The following DNAH2 variants were observed in gnomAD, a reference collection of about 807,000 sequenced individuals.
DNAH2 encodes dynein axonemal heavy chain 2, also known as axonemal beta dynein heavy chain 2.
Under a neutral mutation model 523.5 loss-of-function variants are expected in DNAH2, and 323 were observed. The ratio of observed to expected loss-of-function variants is 0.62; its 90% CI spans 0.56 to 0.68. The LOEUF is 0.68. Ranked by LOEUF, DNAH2 falls within the 30% of genes least tolerant of loss-of-function variation. DNAH2 has a pLI of 0.00. For missense variants in DNAH2, 4,907 were observed against 5,701.5 expected, an observed-to-expected ratio of 0.86 and a Z score of 4.49; for synonymous variants, 2,093 against 2,177.4, an observed-to-expected ratio of 0.96 and a Z score of 1.08.
At chr17:7,723,013 A>G (rs1261340795) in intron 2 of DNAH2, among the ~76,000 whole-genome samples, 1 of 122,334 alleles carries the variant, frequency 8.2e-6, no homozygotes, top group African/African-American at 3.2e-5. Context: ...TCTGTTGCCC[A>G]GGCTGGAGTG....
chr17:7,790,116 C>A (rs1273085666), intron 44 of DNAH2, among the ~76,000 whole-genome samples: 6 of 152,188 alleles, frequency 3.9e-5, no homozygotes, highest in Admixed American at 3.9e-4. Flanking sequence ...GTGGGATGGC[C>A]CCATGTGCTC....
chr17:7,719,891 G>C lies in DNAH2; in HGVS notation c.157G>C (p.Glu53Gln). The change falls in exon 2 of 86, where the codon GAG becomes CAG. Residue 53 changes from glutamate to glutamine, a missense_variant. By Grantham distance (29) the Glu-to-Gln change is conservative. This residue lies in a region of DNAH2 where 2,806 missense variants were observed against 3,190.8 expected (regional missense o/e 0.88). Coordinates refer to ENST00000572933, the MANE Select transcript of DNAH2 (RefSeq NM_020877.5). ...AGAGCTGCAGGCTGAGCTCCCCAAG[G>C]AGGAGCCTGGTGGGTACTTGCTGGG... ...EPELQAELPK[E>Q]EPEPRLEGPQ... The C allele has an allele frequency of 6.5e-7, 1 of 1,548,570 alleles. No homozygotes were observed. The highest frequency in any genetic ancestry group is 1.2e-5 in the South Asian group (1 of 80,224).
At position 7,770,804 on chromosome 17, in the gene DNAH2, T is replaced by C; in HGVS notation, c.4233T>C (p.Ser1411=). Residue 1411 remains serine (S), a synonymous_variant, in exon 27 of 86, where the codon TCT becomes TCC. Transcript: ENST00000572933. ...TGGAAGATAACCAGGTAGCTCTGTC[T>C]ACCATGAAGGCATCACGCTTTGTCA... The part of the protein sequence containing the change: ...QALEDNQVAL[S]TMKASRFVKA... The C allele has an allele frequency of 6.2e-7, 1 of 1,614,176 alleles. No individual in the cohort carries two copies. Among genetic ancestry groups the C allele is most frequent in the Non-Finnish European group, 8.5e-7 (1 of 1,180,014 alleles).
intron 8 of DNAH2, chr17:7,738,152 T>C (rs2075197374): frequency 1.4e-6 from 1 of 702,096 alleles, no homozygotes; most frequent in Admixed American, 2.0e-5. Context: ...ATCCCATGTC[T>C]CAACTCCCTT....
At chr17:7,762,128 T>C (rs2076022122) in intron 18 of DNAH2, among the ~76,000 whole-genome samples, 1 of 152,134 alleles carries the variant, frequency 6.6e-6, no homozygotes, top group Non-Finnish European at 1.5e-5. Context: ...CCTTGGAACC[T>C]TGTGAAATGA....
At chr17:7,822,046 C>G (rs1177495449) in intron 73 of DNAH2, among the ~76,000 whole-genome samples, 4 of 152,214 alleles carry the variant, frequency 2.6e-5, no homozygotes, top group Non-Finnish European at 4.4e-5. Context: ...TCTTGGCTTA[C>G]TGCAGCCTCG....
intron 76 of DNAH2, 51 bp from the exon 77 acceptor site, chr17:7,824,486 A>G: frequency 6.1e-6 from 9 of 1,468,202 alleles, no homozygotes; most frequent in Non-Finnish European, 8.2e-6. Flanking sequence ...AAGCATGAGG[A>G]CAGGCAGGGC....
intron 8 of DNAH2, among the ~76,000 whole-genome samples, chr17:7,738,478 C>T (rs377359102): frequency 7.9e-5 from 12 of 151,936 alleles, no homozygotes; most frequent in African/African-American, 7.3e-5. Context: ...TACAGGTGCC[C>T]GCCACCATGC....
intron 8 of DNAH2, 128 bp downstream of exon 8, chr17:7,737,386 A>T: frequency 3.9e-6 from 4 of 1,022,960 alleles, no homozygotes; most frequent in Non-Finnish European, 5.7e-6. Context: ...CTGCTCAGAG[A>T]CTGAGCTCAG....
At position 7,770,759 on chromosome 17, in the gene DNAH2, A is replaced by C. The variant is rs2076293367; in HGVS notation, c.4188A>C (p.Thr1396=). The part of the protein sequence containing the change: ...KDKGHHRLRG[T]EEVFQALEDN... ...TTGACCCCTTGTGTCTCAGAGGTAC[A>C]GAAGAAGTATTCCAGGCACTGGAAG... The change falls in exon 27 of 86, where the codon ACA becomes ACC. Residue 1396 remains threonine (T), a synonymous_variant. Coordinates refer to ENST00000572933, the MANE Select transcript of DNAH2 (RefSeq NM_020877.5). 2 of 1,614,206 alleles carry C rather than the reference A, an allele frequency of 1.2e-6. No homozygotes were observed. The highest frequency in any genetic ancestry group is 1.7e-6 in the Non-Finnish European group (2 of 1,180,034).
chr17:7,752,299 T>G (rs1360130468), intron 12 of DNAH2, among the ~76,000 whole-genome samples: 2 of 152,176 alleles, frequency 1.3e-5, no homozygotes. Context: ...TATTGAGAAC[T>G]TTGATTTTTA....
At chr17:7,820,842 C>T (rs1240808447) in intron 72 of DNAH2, among the ~76,000 whole-genome samples, 4 of 152,136 alleles carry the variant, frequency 2.6e-5, no homozygotes, top group Non-Finnish European at 4.4e-5. Flanking sequence ...GAGTTCAAGA[C>T]CAGACTGCCA....
chr17:7,783,359 G>A (rs969246514), intron 39 of DNAH2, among the ~76,000 whole-genome samples: 1 of 152,190 alleles, frequency 6.6e-6, no homozygotes, highest in African/African-American at 2.4e-5. Flanking sequence ...TTACAGGCAT[G>A]AGCCACTGCG....
rs1347707859 is a variant in DNAH2, at chr17:7,805,083, G to T, written c.9300+9G>T. On this transcript the variant is annotated intron_variant, in intron 60 of 85. Coordinates refer to ENST00000572933, the MANE Select transcript of DNAH2 (RefSeq NM_020877.5). The stretch of plus-strand genomic sequence containing the variant: ...TGGAAGAGGCCATGCGGGTACCAGG[G>T]GCGGGTGCAAGGATGGGAGCCAGGA... The T allele has an allele frequency of 1.9e-6, 3 of 1,612,372 alleles. No individual in the cohort carries two copies. Among genetic ancestry groups the T allele is most frequent in the African/African-American group, 1.3e-5 (1 of 75,014 alleles).
intron 9 of DNAH2, 62 bp from the exon 10 acceptor site, chr17:7,740,358 A>G: frequency 6.2e-7 from 1 of 1,600,608 alleles, no homozygotes; most frequent in South Asian, 1.1e-5. Context: ...ATTCTTCCTC[A>G]GGGGTTGGAG....
intron 3 of DNAH2, among the ~76,000 whole-genome samples, chr17:7,725,459 G>C (rs1262297325): frequency 1.0e-5 from 1 of 98,146 alleles, no homozygotes; most frequent in Non-Finnish European, 2.4e-5. Context: ...TTGAGACAGA[G>C]TCTTGCTCTG....
At chr17:7,721,233 G>T (rs2074596460) in intron 2 of DNAH2, among the ~76,000 whole-genome samples, 1 of 151,924 alleles carries the variant, frequency 6.6e-6, no homozygotes, top group African/African-American at 2.4e-5. Context: ...GAGTGCAGTG[G>T]TGCGATCTCA....
chr17:7,768,606 T>C (rs2076234668), intron 24 of DNAH2, among the ~76,000 whole-genome samples: 1 of 152,186 alleles, frequency 6.6e-6, no homozygotes, highest in Non-Finnish European at 1.5e-5. Flanking sequence ...CAATAGATTG[T>C]TATTAACCAT....
rs774600351 is a variant in DNAH2 at position 7,823,592 on chromosome 17, T to C, written c.11293T>C (p.Tyr3765His). 3.1e-6 allele frequency: 5 copies of C among 1,614,132 alleles called. No individual in the cohort carries two copies. The highest frequency in any genetic ancestry group is 4.2e-6 in the Non-Finnish European group (5 of 1,180,006). ...EQYPRDWHLW[Y>H]TNAAPEKAML... Reference sequence around the variant, plus strand: ...GTACCCTCGTGACTGGCACCTGTGGTATACCAATGCTGCCCCGGAGAAGGC... The same window carrying C: ...GTACCCTCGTGACTGGCACCTGTGGCATACCAATGCTGCCCCGGAGAAGGC... Residue 3765 changes from tyrosine to histidine, a missense_variant, in exon 74 of 86, where the codon TAT becomes CAT. Around this residue, in one of 3 missense-constraint regions of DNAH2, gnomAD observed 1,851 missense variants for 2,139.4 expected, o/e 0.87. Transcript: ENST00000572933.
Sources: gnomAD v4.1 joint callset for allele counts (sites outside exome capture counted in the v4.1 genomes callset) on GRCh38, gnomAD v4.1.1 for gene constraint, gnomAD v4.1.1 regional missense constraint, MANE v1.5 for transcripts, NCBI Gene and HGNC (gene_info 2026-07-23, HGNC 2026-07-21) for gene names.